Variants in IFT74 observed in about 807,000 individuals in gnomAD.
The protein encoded by IFT74 is intraflagellar transport protein 74 homolog.
IFT74 carries 92 observed loss-of-function variants against 96.7 expected under a neutral mutation model. The observed-to-expected ratio is 0.95, with a 90% CI of 0.80 to 1.13. The LOEUF (loss-of-function observed/expected upper bound fraction) is 1.13, where lower values mean the gene tolerates loss of function less well. Among genes scored for constraint, IFT74 ranks in the 50% most tolerant of loss-of-function variants. The probability of loss-of-function intolerance (pLI) is 0.00; values close to 1 mark genes in which losing one functional copy is unlikely to be tolerated. For missense variants in IFT74, 811 were observed against 698.2 expected, an observed-to-expected ratio of 1.16 and a Z score of -1.82; for synonymous variants, 223 against 213.2, an observed-to-expected ratio of 1.05 and a Z score of -0.40.
chr9:27,011,901 CT>C lies in IFT74; in HGVS notation c.727-3del. 1.3e-6 allele frequency: 2 copies of C among 1,527,082 alleles called. No homozygotes were observed. The highest frequency in any genetic ancestry group is 2.4e-5 in the East Asian group (1 of 41,912). The allele number at this position is 1,527,082 out of a possible 1,614,324, so 94.6% of individuals were successfully genotyped here. On this transcript the variant is annotated splice_polypyrimidine_tract_variant and splice_region_variant and intron_variant, in intron 9 of 19. Coordinates refer to ENST00000380062, the MANE Select transcript of IFT74 (RefSeq NM_025103.4). ...ATTTATGTTTGCTTTTTTTTTTCCA[CT>C]TAGGAATTAGATACACTTCAACAAC...
chr9:27,047,451 C>G, intron 15 of IFT74, 80 bp downstream of exon 15: 1 of 765,986 alleles, frequency 1.3e-6, no homozygotes, highest in Middle Eastern at 2.3e-4. Context: ...AAAAATAGAA[C>G]GGCTCACTAT....
chr9:27,056,532 T>A, intron 18 of IFT74, 73 bp downstream of exon 18: 1 of 1,392,862 alleles, frequency 7.2e-7, no homozygotes. Context: ...AATTTTTTAT[T>A]TTAAAATTTG....
At chr9:27,002,637 C>A (rs1388245861) in intron 8 of IFT74, among the ~76,000 whole-genome samples, 1 of 152,090 alleles carries the variant, frequency 6.6e-6, no homozygotes, top group African/African-American at 2.4e-5. Context: ...TATTCCATTC[C>A]ATTGGTCTAT....
At chr9:26,971,534 T>C (rs1826876865) in intron 2 of IFT74, among the ~76,000 whole-genome samples, 1 of 152,132 alleles carries the variant, frequency 6.6e-6, no homozygotes. Context: ...TTAATTTTTC[T>C]TTTTCAGTGG....
At chr9:26,948,859 C>T (rs1184381662) in intron 1 of IFT74, among the ~76,000 whole-genome samples, 3 of 152,156 alleles carry the variant, frequency 2.0e-5, no homozygotes, top group Non-Finnish European at 4.4e-5. Flanking sequence ...ATCTCTCTTA[C>T]TCTAGACATT....
chr9:26,996,558 T>G, intron 8 of IFT74: 12 of 1,157,006 alleles, frequency 1.0e-5, no homozygotes, highest in Non-Finnish European at 1.4e-5. Flanking sequence ...AACAACATTT[T>G]ATAATTGTTT....
rs769729007 is a variant in IFT74 at position 27,056,435 on chromosome 9, G to A, written c.1599G>A (p.Leu533=). 1 of 1,595,534 alleles carries A rather than the reference G, an allele frequency of 6.3e-7. No individual in the cohort carries two copies. The highest frequency in any genetic ancestry group is 1.4e-5 in the African/African-American group (1 of 73,944). ...NIEYEALKTQ[L]QENETHSQLT... is the part of the protein sequence containing the mutation. ...AGTATGAGGCACTAAAAACACAATT[G>A]CAAGAAAATGAGACACATTCTCAGG... is the stretch of plus-strand genomic sequence containing the variant. Residue 533 remains leucine (L), a synonymous_variant, in exon 18 of 20, where the codon TTG becomes TTA. Coordinates refer to ENST00000380062, the MANE Select transcript of IFT74 (RefSeq NM_025103.4).
In IFT74 at chr9:26,984,551, T is replaced by A; in HGVS notation, c.457T>A (p.Tyr153Asn). 1 of 1,608,350 alleles carries A rather than the reference T, an allele frequency of 6.2e-7. No homozygotes were observed. The highest frequency in any genetic ancestry group is 1.1e-5 in the South Asian group (1 of 90,606). Residue 153 changes from tyrosine (Y) to asparagine (N), a missense_variant, in exon 6 of 20, where the codon TAC (tyrosine) becomes AAC (asparagine). Transcript: ENST00000380062. ...IKELQGQLAD[Y>N]NMLVDKLNTN... is the part of the protein sequence containing the mutation. ...AGAGCTTCAAGGACAACTAGCAGAC[T>A]ACAACATGGTATTTTATCTTTTCTA...
At chr9:27,002,413 C>T (rs1056246775) in intron 8 of IFT74, among the ~76,000 whole-genome samples, 7 of 152,200 alleles carry the variant, frequency 4.6e-5, no homozygotes, top group Non-Finnish European at 7.3e-5. Flanking sequence ...TTTCTTGAAA[C>T]AGTTTTATAG....
At chr9:27,019,075 C>T (rs151147157) in intron 12 of IFT74, among the ~76,000 whole-genome samples, 20 of 152,148 alleles carry the variant, frequency 1.3e-4, no homozygotes, top group African/African-American at 4.8e-4. Flanking sequence ...GGGCTCAAAC[C>T]TCCCAAGTAG....
At chr9:26,951,949 T>C (rs1482330363), upstream of IFT74, among the ~76,000 whole-genome samples, 1 of 152,256 alleles carries the variant, frequency 6.6e-6, no homozygotes, top group Non-Finnish European at 1.5e-5. Flanking sequence ...TATCAGCTTC[T>C]AAATCACATT....
At chr9:27,014,313 G>A (rs1040532502) in intron 10 of IFT74, among the ~76,000 whole-genome samples, 9 of 152,144 alleles carry the variant, frequency 5.9e-5, no homozygotes, top group African/African-American at 2.2e-4. Context: ...ATGGAAATAC[G>A]CTTAAAGAAA....
At chr9:26,952,436 C>A (rs74455802), upstream of IFT74, among the ~76,000 whole-genome samples, 1,371 of 151,996 alleles carry the variant, frequency 9.0e-3, 30 homozygotes, top group South Asian at 0.068. Flanking sequence ...GTCACCATGC[C>A]CGGCTAATTT....
intron 12 of IFT74, among the ~76,000 whole-genome samples, chr9:27,028,072 T>G (rs1303918728): frequency 6.6e-6 from 1 of 152,186 alleles, no homozygotes; most frequent in East Asian, 1.9e-4. Flanking sequence ...CCCATTTAAT[T>G]ACCTTAGCAC....
At chr9:26,961,098 T>C (rs1276735613) in intron 1 of IFT74, among the ~76,000 whole-genome samples, 1 of 150,636 alleles carries the variant, frequency 6.6e-6, no homozygotes, top group East Asian at 1.9e-4. Context: ...TTTTTTTTTT[T>C]TTTGGGTGGG....
upstream of IFT74, among the ~76,000 whole-genome samples, chr9:26,953,866 A>G (rs1204381045): frequency 6.6e-6 from 1 of 152,104 alleles, no homozygotes; most frequent in African/African-American, 2.4e-5. Context: ...TTTTTGAGTT[A>G]TTTTGTTAAC....
intron 13 of IFT74, among the ~76,000 whole-genome samples, chr9:27,038,687 A>G (rs1462937364): frequency 6.6e-6 from 1 of 152,248 alleles, no homozygotes; most frequent in Non-Finnish European, 1.5e-5. Flanking sequence ...CCTTACCAAC[A>G]AGGAACTCAA....
chr9:26,951,975 G>A (rs1224853808), upstream of IFT74, among the ~76,000 whole-genome samples: 1 of 152,178 alleles, frequency 6.6e-6, no homozygotes, highest in African/African-American at 2.4e-5. Context: ...TGCCAGTACT[G>A]TGGAACATGA....
At chr9:26,972,502 G>C (rs547963072) in intron 2 of IFT74, among the ~76,000 whole-genome samples, 2 of 152,252 alleles carry the variant, frequency 1.3e-5, no homozygotes, top group Admixed American at 6.5e-5. Context: ...TAACAAAAAC[G>C]TGAAATGGCT....
Sources: allele counts gnomAD v4.1 joint callset (sites outside exome capture counted in the v4.1 genomes callset), GRCh38; gene constraint gnomAD v4.1.1; transcripts MANE v1.5; gene names NCBI Gene and HGNC (gene_info 2026-07-23, HGNC 2026-07-21).